SC5D: variants seen among roughly 807,000 people sequenced by gnomAD.
The protein encoded by SC5D is lathosterol oxidase.
A neutral mutation model predicts 23.9 loss-of-function variants in SC5D; 21 were observed. The ratio of observed to expected loss-of-function variants is 0.88; its 90% CI spans 0.62 to 1.26. The LOEUF is 1.26. Among genes scored for constraint, SC5D ranks in the 50% most tolerant of loss-of-function variants. The pLI, the probability that SC5D is intolerant of heterozygous loss-of-function variation, is 0.00. For missense variants in SC5D, 309 were observed against 364.8 expected (o/e 0.85, Z 1.25); for synonymous variants, 113 against 125.9 (o/e 0.90, Z 0.68).
At chr11:121,299,749 C>T (rs1195800362) in intron 1 of SC5D, among the ~76,000 whole-genome samples, 2 of 152,158 alleles carry the variant, frequency 1.3e-5, no homozygotes, top group Non-Finnish European at 2.9e-5. Context: ...TCTTAATTGA[C>T]TGGGCATGGT....
In SC5D at chr11:121,307,370, C is replaced by T. The variant is rs762183407; in HGVS notation, c.758C>T (p.Ser253Leu). The change falls in exon 5 of 5, where the codon TCA becomes TTA. Residue 253 changes from serine to leucine, a missense_variant. Coordinates refer to ENST00000264027, the MANE Select transcript of SC5D (RefSeq NM_006918.5). The stretch of plus-strand genomic sequence containing the variant: ...ACTTTGTGGGATAGGATTGGCGGCT[C>T]ATTCAAAAATCCTTCATCCTTTGAG... ...YFTLWDRIGG[S>L]FKNPSSFEGK... is the part of the protein sequence containing the mutation. The T allele has an allele frequency of 1.9e-6, 3 of 1,613,964 alleles. No homozygotes were observed. Among genetic ancestry groups the T allele is most frequent in the South Asian group, 1.1e-5 (1 of 91,052 alleles).
Position 121,307,435 on chromosome 11 carries a change from G to T in SC5D, c.823G>T (p.Gly275Ter). The T allele has an allele frequency of 6.2e-7, 1 of 1,610,840 alleles. No homozygotes were observed. Among genetic ancestry groups the T allele is most frequent in the Non-Finnish European group, 8.5e-7 (1 of 1,178,220 alleles). ...PLSYVKEMTE[G>*]KRSSHSGNGC... Reference sequence around the variant, plus strand: ...CAGTTATGTGAAGGAGATGACAGAGGGAAAGCGCAGCAGCCATTCAGGAAA... The same window carrying T: ...CAGTTATGTGAAGGAGATGACAGAGTGAAAGCGCAGCAGCCATTCAGGAAA... The change falls in exon 5 of 5, where the codon GGA becomes TGA. Residue 275 changes from glycine to a stop codon, truncating the protein, a stop_gained. Coordinates refer to ENST00000264027, the MANE Select transcript of SC5D (RefSeq NM_006918.5). LOFTEE classifies it low-confidence loss of function (END_TRUNC).
Position 121,313,181 on chromosome 11 carries a change from A to C in SC5D, c.*5669A>C, listed in dbSNP as rs1350730360. Among the ~76,000 whole-genome samples the C allele has an allele frequency of 1.3e-5, 2 of 152,180 alleles. No homozygotes were observed. Among genetic ancestry groups the C allele is most frequent in the East Asian group, 3.8e-4 (2 of 5,202 alleles). ...AGGTTAGTTTTCTTCCCTGATTTAG[A>C]ATTTCATATAAATTAAATCAGATAG... On this transcript the variant is annotated 3_prime_UTR_variant, in exon 5 of 5. Coordinates refer to ENST00000264027, the MANE Select transcript of SC5D (RefSeq NM_006918.5).
intron 4 of SC5D, 179 bp from the exon 5 acceptor site, chr11:121,306,878 C>T: frequency 1.5e-6 from 1 of 687,566 alleles, no homozygotes; most frequent in East Asian, 2.7e-5. Flanking sequence ...TGCACTTGTA[C>T]TCATAAATCC....
intron 4 of SC5D, 108 bp from the exon 5 acceptor site, chr11:121,306,949 G>T: frequency 1.1e-6 from 1 of 922,626 alleles, no homozygotes. Flanking sequence ...TAATTTTGCT[G>T]ATCTCTACAG....
At position 121,306,495 on chromosome 11, in the gene SC5D, A is replaced by G; in HGVS notation, c.444+9A>G. 1 of 1,265,258 alleles carries G rather than the reference A, an allele frequency of 7.9e-7. No homozygotes were observed. 78.4% of individuals were successfully genotyped at this position (1,265,258 alleles called of 1,614,324 possible). ...ATAGACTGGTATATAAGGTAAAGTCATTTGTGGTGAAAAGAGAAAAAAGGT... is the reference window on the plus strand; with the variant it reads ...ATAGACTGGTATATAAGGTAAAGTCGTTTGTGGTGAAAAGAGAAAAAAGGT... On this transcript the variant is annotated intron_variant, in intron 4 of 4. Coordinates refer to ENST00000264027, the MANE Select transcript of SC5D (RefSeq NM_006918.5).
Position 121,304,409 on chromosome 11 carries a change from A to T in SC5D, c.259A>T (p.Ile87Leu), listed in dbSNP as rs1241382389. 6.2e-7 allele frequency: 1 copy of T among 1,612,508 alleles called. No individual in the cohort carries two copies. The highest frequency in any genetic ancestry group is 1.7e-5 in the Admixed American group (1 of 60,026). Residue 87 changes from isoleucine (I) to leucine (L), a missense_variant, in exon 3 of 5, where the codon ATA becomes TTA. Coordinates refer to ENST00000264027, the MANE Select transcript of SC5D (RefSeq NM_006918.5). The stretch of plus-strand genomic sequence containing the variant: ...GTTTACTGTCCAGGCATTGCCATGG[A>T]TAAGTATTCTTACTGTTGCACTGTT... ...IKFTVQALPWISILTVALFLL... is the reference protein window; with the variant it reads ...IKFTVQALPWLSILTVALFLL...
rs886047864 is a variant in SC5D at position 121,310,696 on chromosome 11, A to G, written c.*3184A>G. On this transcript the variant is annotated 3_prime_UTR_variant, in exon 5 of 5. Coordinates refer to ENST00000264027, the MANE Select transcript of SC5D (RefSeq NM_006918.5). ...AGGATGGTCTTGATCTCCTGACCTCATGATCTGCCTGCCTCGGCCTCCCAA... is the reference window on the plus strand; with the variant it reads ...AGGATGGTCTTGATCTCCTGACCTCGTGATCTGCCTGCCTCGGCCTCCCAA... 3.0e-4 allele frequency among the ~76,000 whole-genome samples: 46 copies of G among 151,910 alleles called. No individual in the cohort carries two copies. Among genetic ancestry groups the G allele is most frequent in the Non-Finnish European group, 5.9e-4 (40 of 67,962 alleles).
rs2134274000 is a variant in SC5D, at chr11:121,310,750, A to G, written c.*3238A>G. 6.6e-6 allele frequency among the ~76,000 whole-genome samples: 1 copy of G among 152,176 alleles called. No individual in the cohort carries two copies. Among genetic ancestry groups the G allele is most frequent in the South Asian group, 2.1e-4 (1 of 4,818 alleles). ...GCTGGGATTATAGGTGTGAGCCACC[A>G]TGCCCAGCCCCTTCTGTCCCTTCTA... On this transcript the variant is annotated 3_prime_UTR_variant, in exon 5 of 5. Coordinates refer to ENST00000264027, the MANE Select transcript of SC5D (RefSeq NM_006918.5).
At chr11:121,298,746 C>G (rs1469665976) in intron 1 of SC5D, among the ~76,000 whole-genome samples, 1 of 152,194 alleles carries the variant, frequency 6.6e-6, no homozygotes, top group Non-Finnish European at 1.5e-5. Flanking sequence ...GACCACCAAA[C>G]AGCCTTTGTG....
intron 1 of SC5D, among the ~76,000 whole-genome samples, chr11:121,300,418 C>G (rs570325364): frequency 4.1e-4 from 62 of 152,300 alleles, no homozygotes; most frequent in African/African-American, 1.4e-3. Flanking sequence ...AGGCCACAAC[C>G]CAGAAAATCA....
rs757191362 is a variant in SC5D at position 121,307,445 on chromosome 11, G to A, written c.833G>A (p.Ser278Asn). ...YVKEMTEGKR[S>N]SHSGNGCKNE... ...AAGGAGATGACAGAGGGAAAGCGCA[G>A]CAGCCATTCAGGAAATGGCTGTAAG... Residue 278 changes from serine to asparagine, a missense_variant, in exon 5 of 5, where the codon AGC becomes AAC. Physicochemically the swap from Ser to Asn is conservative, Grantham distance 46. Coordinates refer to ENST00000264027, the MANE Select transcript of SC5D (RefSeq NM_006918.5). The A allele has an allele frequency of 1.2e-6, 2 of 1,610,146 alleles. No homozygotes were observed. Among genetic ancestry groups the A allele is most frequent in the Non-Finnish European group, 1.7e-6 (2 of 1,178,284 alleles).
Position 121,307,174 on chromosome 11 carries a change from C to A in SC5D, c.562C>A (p.Pro188Thr). 1 of 1,614,026 alleles carries A rather than the reference C, an allele frequency of 6.2e-7. No individual in the cohort carries two copies. Among genetic ancestry groups the A allele is most frequent in the Non-Finnish European group, 8.5e-7 (1 of 1,179,922 alleles). ...LPYHIYPFIFPLHKVVYLSLY... is the reference protein window; with the variant it reads ...LPYHIYPFIFTLHKVVYLSLY... Reference sequence around the variant, plus strand: ...TTACCATATATACCCTTTTATCTTTCCATTACACAAGGTGGTTTATTTAAG... The same window carrying A: ...TTACCATATATACCCTTTTATCTTTACATTACACAAGGTGGTTTATTTAAG... Residue 188 changes from proline to threonine, a missense_variant, in exon 5 of 5, where the codon CCA becomes ACA. Coordinates refer to ENST00000264027, the MANE Select transcript of SC5D (RefSeq NM_006918.5).
chr11:121,307,487 A>G lies in SC5D; in HGVS notation c.875A>G (p.Asn292Ser), dbSNP rs367608610. The G allele has an allele frequency of 2.6e-5, 41 of 1,605,682 alleles. No homozygotes were observed. Among genetic ancestry groups the G allele is most frequent in the Non-Finnish European group, 3.1e-5 (37 of 1,176,836 alleles). Reference sequence around the variant, plus strand: ...GGCTGTAAGAATGAAAAATTATTCAATGGAGAGTTTACAAAGACTGAATAG... The same window carrying G: ...GGCTGTAAGAATGAAAAATTATTCAGTGGAGAGTTTACAAAGACTGAATAG... ...GNGCKNEKLF[N>S]GEFTKTE The change falls in exon 5 of 5, where the codon AAT becomes AGT. Residue 292 changes from asparagine to serine, a missense_variant. Asn to Ser is a conservative substitution (Grantham distance 46). Transcript: ENST00000264027.
chr11:121,306,920 G>T, intron 4 of SC5D, 137 bp from the exon 5 acceptor site: 1 of 798,442 alleles, frequency 1.3e-6, no homozygotes, highest in Non-Finnish European at 2.2e-6. Flanking sequence ...GGGCGAAGAA[G>T]GACATTTTAT....
chr11:121,294,304 A>T (rs1006941979), intron 1 of SC5D, among the ~76,000 whole-genome samples: 1 of 152,172 alleles, frequency 6.6e-6, no homozygotes, highest in Admixed American at 6.5e-5. Context: ...GAACATTTTT[A>T]AAAATTCAGG....
chr11:121,309,706 C>G lies in SC5D; in HGVS notation c.*2194C>G, dbSNP rs962246807. ...AATCAAACTTGCCCCTGCCCTTTCA[C>G]CCGTCTCAAATTCTGGTCTTTTAAA... On this transcript the variant is annotated 3_prime_UTR_variant, in exon 5 of 5. Transcript: ENST00000264027. Among the ~76,000 whole-genome samples the G allele has an allele frequency of 6.6e-6, 1 of 152,178 alleles. No individual in the cohort carries two copies. Among genetic ancestry groups the G allele is most frequent in the Non-Finnish European group, 1.5e-5 (1 of 68,038 alleles).
At position 121,304,469 on chromosome 11, in the gene SC5D, G is replaced by A. The variant is rs760074441; in HGVS notation, c.319G>A (p.Asp107Asn). Residue 107 changes from aspartate to asparagine, a missense_variant, in exon 3 of 5, where the codon GAT (aspartate) becomes AAT (asparagine). Physicochemically the swap from Asp to Asn is conservative, Grantham distance 23. Coordinates refer to ENST00000264027, the MANE Select transcript of SC5D (RefSeq NM_006918.5). Reference sequence around the variant, plus strand: ...GATAAGAGGTTACAGCAAATTACATGATGACCTAGGAGAGTTTCCATATGG... The same window carrying A: ...GATAAGAGGTTACAGCAAATTACATAATGACCTAGGAGAGTTTCCATATGG... ...LEIRGYSKLH[D>N]DLGEFPYGLF... The A allele has an allele frequency of 1.2e-6, 2 of 1,613,566 alleles. No individual in the cohort carries two copies. The highest frequency in any genetic ancestry group is 4.5e-5 in the East Asian group (2 of 44,806).
Position 121,303,503 on chromosome 11 carries a change from A to C in SC5D, c.128A>C (p.Tyr43Ser), listed in dbSNP as rs766593498. 1.9e-6 allele frequency: 3 copies of C among 1,613,936 alleles called. No homozygotes were observed. In the Admixed American group the frequency reaches 5.0e-5, roughly 27 times the overall value. ...SLLIVTNVGA[Y>S]ILYFFCATLS... ...CTGATTGTAACAAATGTTGGTGCTT[A>C]CATCCTTTATTTCTTCTGTGCAACA... Residue 43 changes from tyrosine to serine, a missense_variant, in exon 2 of 5, where the codon TAC (tyrosine) becomes TCC (serine). Coordinates refer to ENST00000264027, the MANE Select transcript of SC5D (RefSeq NM_006918.5).
Sources: gnomAD v4.1 joint callset for allele counts (sites outside exome capture counted in the v4.1 genomes callset) on GRCh38, gnomAD v4.1.1 for gene constraint, MANE v1.5 for transcripts, NCBI Gene and HGNC (gene_info 2026-07-23, HGNC 2026-07-21) for gene names.